The following CFAP54 variants were observed in gnomAD, a reference collection of about 807,000 sequenced individuals.
CFAP54 encodes the protein cilia and flagella associated protein 54.
In CFAP54, 290 loss-of-function variants were observed where a neutral mutation model predicts 370.4. The ratio of observed to expected loss-of-function variants is 0.78; its 90% CI spans 0.71 to 0.86. CFAP54 has a LOEUF of 0.86. Among genes scored for constraint, CFAP54 ranks in the 40% least tolerant of loss-of-function variants. The probability of loss-of-function intolerance (pLI) is 0.00; values close to 1 mark genes in which losing one functional copy is unlikely to be tolerated. For synonymous variants in CFAP54, 1,206 were observed against 1,236.5 expected, an observed-to-expected ratio of 0.98 and a Z score of 0.52; for missense variants, 3,399 against 3,528.7, an observed-to-expected ratio of 0.96 and a Z score of 0.93.
chr12:96,786,423 C>T (rs914353874), intron 61 of CFAP54, among the ~76,000 whole-genome samples: 19 of 152,224 alleles, frequency 1.2e-4, no homozygotes, highest in African/African-American at 4.6e-4. Flanking sequence ...TCAGGTGATC[C>T]TCCCACCTCA....
At chr12:96,591,115 A>C (rs1956119328) in intron 23 of CFAP54, among the ~76,000 whole-genome samples, 1 of 152,232 alleles carries the variant, frequency 6.6e-6, no homozygotes, top group African/African-American at 2.4e-5. Context: ...AGAAAATGAA[A>C]GTCCAAGAAA....
chr12:96,747,668 G>C (rs73381208), intron 55 of CFAP54, among the ~76,000 whole-genome samples: 4,671 of 152,278 alleles, frequency 0.031, 223 homozygotes, highest in African/African-American at 0.1. Context: ...TTGGGATCTA[G>C]AGGATCCAGG....
At position 96,771,787 on chromosome 12, in the gene CFAP54, G is replaced by A. The variant is rs145581307; in HGVS notation, c.8281+6569G>A. ...TGGCCCAGAACCAGTGAAACCCAGG[G>A]AGCTCTGGCCTGGGCTGATGGGAAG... On this transcript the variant is annotated intron_variant, in intron 60 of 67. Transcript: ENST00000524981. Among the ~76,000 whole-genome samples, 1,068 of 152,322 alleles carry A rather than the reference G, an allele frequency of 7.0e-3. 12 individuals are homozygous for A. The highest frequency in any genetic ancestry group is 0.023 in the African/African-American group (975 of 41,576).
chr12:96,581,077 CTAT>C lies in CFAP54; in HGVS notation c.3050_3052del (p.Ile1017del). 1 of 1,518,502 alleles carries C rather than the reference CTAT, an allele frequency of 6.6e-7. No homozygotes were observed. Among genetic ancestry groups the C allele is most frequent in the Non-Finnish European group, 8.8e-7 (1 of 1,139,110 alleles). 94.1% of individuals were successfully genotyped at this position (1,518,502 alleles called of 1,614,324 possible). On this transcript the variant is annotated inframe_deletion, in exon 22 of 68. Coordinates refer to ENST00000524981, the MANE Select transcript of CFAP54 (RefSeq NM_001306084.2). ...ATTCTGGTTTATCCCCCTCTTTCTA[CTAT>C]TACTGCTCGGATGTTCCTGACACAG...
chr12:96,490,070 T>A, intron 1 of CFAP54, 144 bp downstream of exon 1: 2 of 724,136 alleles, frequency 2.8e-6, no homozygotes, highest in Non-Finnish European at 4.4e-6. Flanking sequence ...AGACAAAGTT[T>A]AAGAAGTGGA....
At chr12:96,674,247 G>A (rs1957178310) in intron 39 of CFAP54, among the ~76,000 whole-genome samples, 1 of 151,948 alleles carries the variant, frequency 6.6e-6, no homozygotes, top group African/African-American at 2.4e-5. Flanking sequence ...CACTTGCTGG[G>A]ATCCTTCCGT....
Position 96,499,420 on chromosome 12 carries a change from C to T in CFAP54, c.318-1414C>T, listed in dbSNP as rs145226227. 1.1e-4 allele frequency among the ~76,000 whole-genome samples: 17 copies of T among 152,094 alleles called. No homozygotes were observed. In the East Asian group the frequency reaches 2.9e-3, roughly 26 times the overall value. On this transcript the variant is annotated intron_variant, in intron 1 of 67. Transcript: ENST00000524981. ...GCAAATTAAAGCAACAATAAGATAC[C>T]CTACATGCCTATTAGGAAGGCTAAA...
intron 39 of CFAP54, among the ~76,000 whole-genome samples, chr12:96,666,260 A>G (rs139758447): frequency 1.3e-5 from 2 of 152,290 alleles, no homozygotes; most frequent in East Asian, 3.9e-4. Flanking sequence ...TTCAAGTCCC[A>G]TAATAGCTTC....
intron 26 of CFAP54, 28 bp downstream of exon 26, chr12:96,598,795 T>C (rs1189685435): frequency 3.7e-6 from 2 of 545,024 alleles, no homozygotes; most frequent in East Asian, 6.0e-5. Context: ...TATCTAGTAT[T>C]ATAATATTTA....
chr12:96,755,598 A>G (rs1436911576), intron 56 of CFAP54, among the ~76,000 whole-genome samples: 2 of 152,016 alleles, frequency 1.3e-5, no homozygotes, highest in East Asian at 3.9e-4. Flanking sequence ...TCTTCAAATA[A>G]CAGGATTTCT....
chr12:96,821,965 G>T lies in CFAP54; in HGVS notation c.9096+4052G>T, dbSNP rs73224639. Among the ~76,000 whole-genome samples, 998 of 152,166 alleles carry T rather than the reference G, an allele frequency of 6.6e-3. 2 individuals are homozygous for T. Among genetic ancestry groups the T allele is most frequent in the Non-Finnish European group, 0.011 (749 of 67,996 alleles). ...AAATGTGTCTTTGGTTGACATGGGG[G>T]GAAGGTAGTGAATCTTGTTTTCTTC... On this transcript the variant is annotated intron_variant, in intron 65 of 67. Coordinates refer to ENST00000524981, the MANE Select transcript of CFAP54 (RefSeq NM_001306084.2).
chr12:96,638,197 A>G (rs1956681322), intron 32 of CFAP54, among the ~76,000 whole-genome samples: 1 of 139,384 alleles, frequency 7.2e-6, no homozygotes, highest in Non-Finnish European at 1.6e-5. Context: ...ATATATATAT[A>G]TATATGCATG....
chr12:96,873,011 G>A (rs1330242670), intron 67 of CFAP54, among the ~76,000 whole-genome samples: 1 of 152,124 alleles, frequency 6.6e-6, no homozygotes, highest in African/African-American at 2.4e-5. Context: ...GTTGTACAGT[G>A]GATTAAGTGA....
chr12:96,635,705 A>C (rs1956656625), intron 32 of CFAP54, among the ~76,000 whole-genome samples: 1 of 152,240 alleles, frequency 6.6e-6, no homozygotes, highest in South Asian at 2.1e-4. Context: ...GCTGACTATA[A>C]ATTCAGAGAT....
intron 65 of CFAP54, among the ~76,000 whole-genome samples, chr12:96,828,354 CTG>C (rs940732633): frequency 1.3e-5 from 2 of 151,942 alleles, no homozygotes; most frequent in African/African-American, 4.8e-5. Context: ...GGAGCCAAGA[CTG>C]TGCTCAGTCC....
intron 60 of CFAP54, among the ~76,000 whole-genome samples, chr12:96,766,187 G>A (rs114439139): frequency 2.0e-3 from 298 of 152,216 alleles, no homozygotes; most frequent in African/African-American, 6.7e-3. Flanking sequence ...AATGTCTAAC[G>A]TCCCCCTCTT....
At chr12:96,573,893 A>G (rs17323629) in intron 19 of CFAP54, among the ~76,000 whole-genome samples, 13,128 of 152,236 alleles carry the variant, frequency 0.086, 721 homozygotes, top group Middle Eastern at 0.14. Context: ...GATGCCTAAG[A>G]TTCTTGACCT....
chr12:96,762,416 C>T (rs1212439442), intron 58 of CFAP54, among the ~76,000 whole-genome samples: 2 of 152,182 alleles, frequency 1.3e-5, no homozygotes, highest in Non-Finnish European at 2.9e-5. Flanking sequence ...CACCCCTTGC[C>T]CGGGTTTTCT....
intron 26 of CFAP54, among the ~76,000 whole-genome samples, chr12:96,616,840 C>A (rs1013620179): frequency 6.6e-6 from 1 of 152,036 alleles, no homozygotes; most frequent in African/African-American, 2.4e-5. Context: ...GGGTTTCACA[C>A]CCAGGAATGA....
Sources: allele counts gnomAD v4.1 joint callset (sites outside exome capture counted in the v4.1 genomes callset), GRCh38; gene constraint gnomAD v4.1.1; transcripts MANE v1.5; gene names NCBI Gene and HGNC (gene_info 2026-07-23, HGNC 2026-07-21).